Variants in PAK3 observed in about 807,000 individuals in gnomAD.
PAK3 encodes the protein p21 (RAC1) activated kinase 3.
A neutral mutation model predicts 41.0 loss-of-function variants in PAK3; 4 were observed. The ratio of observed to expected loss-of-function variants is 0.10; its 90% CI spans 0.05 to 0.22. The LOEUF (loss-of-function observed/expected upper bound fraction) is 0.22, where lower values mean the gene tolerates loss of function less well. Ranked by LOEUF, PAK3 falls within the 10% of genes least tolerant of loss-of-function variation. The pLI is 1.00. For synonymous variants in PAK3, 146 were observed against 139.6 expected (o/e 1.05, Z -0.32); for missense variants, 205 against 409.9 (o/e 0.50, Z 4.32).
In PAK3 at chrX:110,958,542, T is replaced by C. The variant is rs189518857; in HGVS notation, c.-28+13914T>C. On this transcript the variant is annotated intron_variant, in intron 1 of 14. Transcript: ENST00000425146. ...CAAAAGAGCTTGCTACTAGACTGGATATAAGGACTAAGAGGAGAGAGGAAT... is the reference window on the plus strand; with the variant it reads ...CAAAAGAGCTTGCTACTAGACTGGACATAAGGACTAAGAGGAGAGAGGAAT... Among the ~76,000 whole-genome samples, 465 of 111,267 alleles carry C rather than the reference T, an allele frequency of 4.2e-3. 4 individuals are homozygous for C. The highest frequency in any genetic ancestry group is 0.015 in the African/African-American group (451 of 30,566).
intron 1 of PAK3, among the ~76,000 whole-genome samples, chrX:110,972,384 G>A (rs1348495664): frequency 8.9e-6 from 1 of 111,919 alleles, no homozygotes; most frequent in Non-Finnish European, 1.9e-5. Context: ...GAATATTGCT[G>A]TTCTGCAGCC....
At chrX:111,050,045 T>G (rs982550086) in intron 1 of PAK3, among the ~76,000 whole-genome samples, 1 of 111,762 alleles carries the variant, frequency 8.9e-6, no homozygotes, top group African/African-American at 3.3e-5. Flanking sequence ...AAAAATCAAC[T>G]GAAGGGGATA....
At position 111,021,021 on chromosome X, in the gene PAK3, G is replaced by A. The variant is rs182522921; in HGVS notation, c.-28+76393G>A. 7.8e-3 allele frequency among the ~76,000 whole-genome samples: 869 copies of A among 111,484 alleles called. 11 individuals are homozygous for A. The highest frequency in any genetic ancestry group is 0.012 in the Non-Finnish European group (614 of 52,967). On this transcript the variant is annotated intron_variant, in intron 1 of 14. Transcript: ENST00000425146. ...CAGCAAACACTGCATAAGGAGAGGC[G>A]GAGCTCAGACATGCTTATCCCTATC...
At chrX:111,086,505 A>C (rs916212043) in intron 1 of PAK3, among the ~76,000 whole-genome samples, 7 of 111,770 alleles carry the variant, frequency 6.3e-5, no homozygotes, top group Non-Finnish European at 1.1e-4. Flanking sequence ...TTCTGGCCTT[A>C]CATGGTGGTG....
intron 1 of PAK3, 163 bp downstream of exon 1, chrX:111,096,578 G>A (rs1398882953): frequency 9.0e-6 from 1 of 110,973 alleles, no homozygotes; most frequent in Non-Finnish European, 1.9e-5. Flanking sequence ...GGAGCCCTGA[G>A]ACCAAGCGAG....
chrX:110,993,504 C>T (rs1233503888), intron 1 of PAK3, among the ~76,000 whole-genome samples: 3 of 111,678 alleles, frequency 2.7e-5, no homozygotes, highest in Non-Finnish European at 5.6e-5. Context: ...TTCTGTATCA[C>T]CTAAGTTATT....
chrX:111,200,056 G>A (rs765503904), intron 16 of PAK3, among the ~76,000 whole-genome samples: 28 of 110,957 alleles, frequency 2.5e-4, no homozygotes, highest in Non-Finnish European at 4.5e-4. Context: ...CAAGCACAGT[G>A]CTAGTATCAT....
At chrX:111,159,583 A>G (rs59381647) in intron 8 of PAK3, among the ~76,000 whole-genome samples, 356 of 111,677 alleles carry the variant, frequency 3.2e-3, no homozygotes, top group African/African-American at 0.011. Flanking sequence ...ACATAATATC[A>G]AAGCAAATTT....
intron 1 of PAK3, among the ~76,000 whole-genome samples, chrX:111,043,663 A>G (rs2092472061): frequency 8.9e-6 from 1 of 112,370 alleles, no homozygotes; most frequent in South Asian, 3.7e-4. Context: ...ATCCTGAGGC[A>G]TTGCTAGTCT....
rs149822083 is a variant in PAK3 at position 111,034,772 on chromosome X, T to C, written c.-27-88305T>C. ...TGATAACTATATGACCTTAGGCAAG[T>C]CTACTCTTCTCTGGGCCTTACTTTC... On this transcript the variant is annotated intron_variant, in intron 1 of 14. Transcript: ENST00000425146. Among the ~76,000 whole-genome samples, 117 of 111,036 alleles carry C rather than the reference T, an allele frequency of 1.1e-3. 1 individual carries two copies. Among genetic ancestry groups the C allele is most frequent in the African/African-American group, 3.5e-3 (107 of 30,478 alleles).
At chrX:111,009,231 C>T (rs776582400) in intron 1 of PAK3, among the ~76,000 whole-genome samples, 1 of 111,370 alleles carries the variant, frequency 9.0e-6, no homozygotes, top group South Asian at 3.9e-4. Context: ...TTCACATCCC[C>T]ACTTTGTTTC....
At chrX:111,184,438 G>A (rs1470456011) in intron 11 of PAK3, among the ~76,000 whole-genome samples, 2 of 108,053 alleles carry the variant, frequency 1.9e-5, no homozygotes, top group Non-Finnish European at 3.8e-5. Flanking sequence ...TCTGGGATAC[G>A]TGTGCAGAAC....
At chrX:111,214,693 C>T (rs1173264686) in intron 16 of PAK3, among the ~76,000 whole-genome samples, 4 of 111,035 alleles carry the variant, frequency 3.6e-5, no homozygotes, top group East Asian at 2.8e-4. Context: ...CTAGATTAAA[C>T]GGTTGTTCCT....
rs988695577 is a variant in PAK3, at chrX:111,184,552, C to T, written c.831-7575C>T. 3.9e-4 allele frequency among the ~76,000 whole-genome samples: 42 copies of T among 107,524 alleles called. 1 individual carries two copies. The highest frequency in any genetic ancestry group is 1.3e-4 in the Non-Finnish European group (7 of 51,911). 93.4% of individuals were successfully genotyped at this position (107,524 alleles called of 115,157 possible). A position where few individuals can be genotyped will look rare whatever the true frequency, so the allele number is the denominator to read the frequency against. On this transcript the variant is annotated intron_variant, in intron 11 of 17. Coordinates refer to ENST00000372007, the MANE Select transcript of PAK3 (RefSeq NM_002578.5). Reference sequence around the variant, plus strand: ...TGTCCTAATGCTATCCCTCCCCTAGCCCCCCATCCCCCAACAGGCCCCGGT... The same window carrying T: ...TGTCCTAATGCTATCCCTCCCCTAGTCCCCCATCCCCCAACAGGCCCCGGT...
At chrX:111,062,493 G>A (rs2092665242) in intron 1 of PAK3, among the ~76,000 whole-genome samples, 1 of 112,455 alleles carries the variant, frequency 8.9e-6, no homozygotes, top group Admixed American at 9.4e-5. Flanking sequence ...ACTGGCCTCA[G>A]TTGGACTGAA....
intron 1 of PAK3, among the ~76,000 whole-genome samples, chrX:110,993,350 C>A (rs1380057011): frequency 1.8e-5 from 2 of 110,663 alleles, no homozygotes; most frequent in Non-Finnish European, 3.8e-5. Context: ...GATTTTTTTT[C>A]TTTATCTCAT....
At chrX:111,035,231 C>G (rs777811810) in intron 1 of PAK3, among the ~76,000 whole-genome samples, 1 of 109,867 alleles carries the variant, frequency 9.1e-6, no homozygotes, top group Non-Finnish European at 1.9e-5. Context: ...TTGTGAGGCT[C>G]AACTAAGATG....
At chrX:110,982,602 G>GTGTTT (rs368663694) in intron 1 of PAK3, among the ~76,000 whole-genome samples, 8 of 112,288 alleles carry the variant, frequency 7.1e-5, no homozygotes, top group East Asian at 5.6e-4. Flanking sequence ...AGATCACTGT[G>GTGTTT]TGTTTTGTTT....
chrX:111,021,793 C>T (rs897758089), intron 1 of PAK3, among the ~76,000 whole-genome samples: 9 of 109,477 alleles, frequency 8.2e-5, no homozygotes, highest in African/African-American at 2.7e-4. Flanking sequence ...AGGATATGAA[C>T]GGAAAATTCT....
Sources: gnomAD v4.1 joint callset for allele counts (sites outside exome capture counted in the v4.1 genomes callset) on GRCh38, gnomAD v4.1.1 for gene constraint, MANE v1.5 for transcripts, NCBI Gene and HGNC (gene_info 2026-07-23, HGNC 2026-07-21) for gene names.